SPIRE1: variants seen among roughly 807,000 people sequenced by gnomAD.
The protein encoded by SPIRE1 is protein spire homolog 1.
Under a neutral mutation model 94.1 loss-of-function variants are expected in SPIRE1, and 40 were observed. The observed-to-expected ratio is 0.43, with a 90% CI of 0.33 to 0.55. The LOEUF is 0.55. Among genes scored for constraint, SPIRE1 ranks in the 20% least tolerant of loss-of-function variants. The pLI is 0.06. For synonymous variants in SPIRE1, 376 were observed against 371.7 expected, an observed-to-expected ratio of 1.01 and a Z score of -0.13; for missense variants, 838 against 975.2, an observed-to-expected ratio of 0.86 and a Z score of 1.87.
intron 2 of SPIRE1, among the ~76,000 whole-genome samples, chr18:12,554,555 C>T (rs973859070): frequency 2.0e-5 from 3 of 152,136 alleles, no homozygotes; most frequent in Non-Finnish European, 4.4e-5. Flanking sequence ...CTGATTCTAC[C>T]TAACATTTAA....
intron 2 of SPIRE1, among the ~76,000 whole-genome samples, chr18:12,580,441 A>C (rs2036225591): frequency 6.6e-6 from 1 of 151,876 alleles, no homozygotes; most frequent in Admixed American, 6.6e-5. Context: ...CTCCTGCCTC[A>C]GCCTCCCAAG....
At chr18:12,557,141 C>T (rs1039325640) in intron 2 of SPIRE1, among the ~76,000 whole-genome samples, 12 of 152,340 alleles carry the variant, frequency 7.9e-5, no homozygotes, top group East Asian at 5.8e-4. Flanking sequence ...CTGCGCCACA[C>T]GCCCGCACTC....
chr18:12,480,583 A>C (rs944527853), intron 9 of SPIRE1, among the ~76,000 whole-genome samples: 29 of 152,226 alleles, frequency 1.9e-4, no homozygotes, highest in Non-Finnish European at 2.1e-4. Flanking sequence ...TGCCTAGTAC[A>C]GGCAGTGAAC....
At chr18:12,528,962 C>T (rs755452732) in intron 4 of SPIRE1, among the ~76,000 whole-genome samples, 1 of 152,164 alleles carries the variant, frequency 6.6e-6, no homozygotes, top group African/African-American at 2.4e-5. Flanking sequence ...GGTCTCTGCC[C>T]TCAATGAGAT....
intron 1 of SPIRE1, among the ~76,000 whole-genome samples, chr18:12,650,209 A>G (rs1219131092): frequency 6.6e-6 from 1 of 151,994 alleles, no homozygotes; most frequent in Admixed American, 6.6e-5. Flanking sequence ...ACTGCACTCC[A>G]GCCTGGGCAA....
At chr18:12,462,957 G>A (rs2031925902) in intron 12 of SPIRE1, among the ~76,000 whole-genome samples, 1 of 152,142 alleles carries the variant, frequency 6.6e-6, no homozygotes, top group African/African-American at 2.4e-5. Context: ...GTGCAATGGT[G>A]TAGTCATAGC....
chr18:12,649,731 C>G (rs763646599), intron 1 of SPIRE1, among the ~76,000 whole-genome samples: 1 of 152,158 alleles, frequency 6.6e-6, no homozygotes, highest in Non-Finnish European at 1.5e-5. Flanking sequence ...AGTCAAAACT[C>G]TTAGTGAGGC....
At chr18:12,625,075 G>A (rs999776293) in intron 2 of SPIRE1, among the ~76,000 whole-genome samples, 1 of 152,080 alleles carries the variant, frequency 6.6e-6, no homozygotes. Context: ...GGGGAAGCAT[G>A]ACTGAATTTC....
intron 2 of SPIRE1, among the ~76,000 whole-genome samples, chr18:12,624,215 C>T (rs1349210705): frequency 6.7e-6 from 1 of 149,694 alleles, no homozygotes; most frequent in South Asian, 2.2e-4. Context: ...AACCACCATG[C>T]CTGCCTAATA....
At chr18:12,512,621 T>G in intron 4 of SPIRE1, 90 bp from the exon 5 acceptor site, 1 of 790,364 alleles carries the variant, frequency 1.3e-6, no homozygotes, top group East Asian at 2.6e-5. Flanking sequence ...AAGACATATA[T>G]TCAAGTACCA....
At chr18:12,483,147 G>GT (rs765734967) in intron 9 of SPIRE1, among the ~76,000 whole-genome samples, 13 of 151,864 alleles carry the variant, frequency 8.6e-5, no homozygotes, top group Non-Finnish European at 1.9e-4. Flanking sequence ...AGGAGACAGG[G>GT]TTTTGCCATG....
chr18:12,449,835 A>G lies in SPIRE1; in HGVS notation c.2074T>C (p.Leu692=), dbSNP rs1568176310. ...TCCATGGTGCTCCAGTCCTCCATCA[A>G]CTCTTTGGGAAACTGGAGTTCTTCA... ...SDEELQFPKE[L]MEDWSTMEVC... The change falls in exon 17 of 17, where the codon TTG becomes CTG. Residue 692 remains leucine (L), a synonymous_variant. Transcript: ENST00000409402. 6.2e-7 allele frequency: 1 copy of G among 1,613,832 alleles called. No homozygotes were observed. The highest frequency in any genetic ancestry group is 8.5e-7 in the Non-Finnish European group (1 of 1,179,998).
chr18:12,528,973 T>C (rs1395454052), intron 4 of SPIRE1, among the ~76,000 whole-genome samples: 4 of 152,164 alleles, frequency 2.6e-5, no homozygotes, highest in African/African-American at 9.7e-5. Flanking sequence ...TCAATGAGAT[T>C]ATATTCTTGT....
intron 3 of SPIRE1, among the ~76,000 whole-genome samples, chr18:12,541,410 C>T (rs1164795247): frequency 6.6e-6 from 1 of 152,096 alleles, no homozygotes; most frequent in Non-Finnish European, 1.5e-5. Context: ...GTATTTTAAA[C>T]CTCCCTCTAT....
chr18:12,496,686 G>A (rs941835371), intron 6 of SPIRE1, among the ~76,000 whole-genome samples: 3 of 152,120 alleles, frequency 2.0e-5, no homozygotes, highest in Non-Finnish European at 2.9e-5. Flanking sequence ...TGGCTAACAC[G>A]GTGAAACCCT....
intron 2 of SPIRE1, among the ~76,000 whole-genome samples, chr18:12,556,525 C>T (rs1429483281): frequency 3.3e-5 from 5 of 152,130 alleles, no homozygotes; most frequent in African/African-American, 9.7e-5. Context: ...ATGGTGTGTC[C>T]GGAGTTTGTG....
intron 6 of SPIRE1, among the ~76,000 whole-genome samples, chr18:12,500,710 ATTGGAAAGAACCCAAATGTCCAT>A (rs1035708261): frequency 2.6e-4 from 40 of 152,204 alleles, no homozygotes; most frequent in African/African-American, 8.9e-4. Context: ...AAAGAATCCA[ATTGGAAAGAACCCAAATGTCCAT>A]TTGGGTCATG....
At chr18:12,638,524 A>T (rs1567984519) in intron 1 of SPIRE1, among the ~76,000 whole-genome samples, 3 of 152,224 alleles carry the variant, frequency 2.0e-5, no homozygotes. Flanking sequence ...ATAATGACAC[A>T]GAGTTGGTGA....
intron 12 of SPIRE1, among the ~76,000 whole-genome samples, chr18:12,458,861 A>G (rs1363214457): frequency 1.3e-5 from 2 of 152,242 alleles, no homozygotes; most frequent in Non-Finnish European, 2.9e-5. Context: ...GACAAAGATC[A>G]GAGAAAGGAA....
Sources: gnomAD v4.1 joint callset for allele counts (sites outside exome capture counted in the v4.1 genomes callset) on GRCh38, gnomAD v4.1.1 for gene constraint, MANE v1.5 for transcripts, NCBI Gene and HGNC (gene_info 2026-07-23, HGNC 2026-07-21) for gene names.